HPSE2: variants seen among roughly 807,000 people sequenced by gnomAD.
The protein encoded by HPSE2 is inactive heparanase-2.
In HPSE2, 38 loss-of-function variants were observed where a neutral mutation model predicts 60.5. The ratio of observed to expected loss-of-function variants is 0.63; its 90% CI spans 0.48 to 0.82. HPSE2 has a LOEUF of 0.82. HPSE2 is among the 40% of genes least tolerant of loss of function. The pLI is 0.00. For synonymous variants in HPSE2, 295 were observed against 293.2 expected (o/e 1.01, Z -0.06); for missense variants, 713 against 740.4 (o/e 0.96, Z 0.43).
At chr10:99,267,130 A>C in the HPSE2 span, among the ~76,000 whole-genome samples, 18 of 152,120 alleles carry the variant, frequency 1.2e-4, no homozygotes, top group Non-Finnish European at 5.9e-5. Context: ...AGCTCACCTC[A>C]CCAGCAATGG....
At chr10:98,465,535 G>A (rs1191582041) in intron 11 of HPSE2, among the ~76,000 whole-genome samples, 1 of 152,140 alleles carries the variant, frequency 6.6e-6, no homozygotes, top group African/African-American at 2.4e-5. Flanking sequence ...TTTACTATGG[G>A]GACAAGGTTA....
chr10:98,854,337 AGAG>A (rs762417934), intron 3 of HPSE2, among the ~76,000 whole-genome samples: 3 of 152,320 alleles, frequency 2.0e-5, no homozygotes, highest in Non-Finnish European at 4.4e-5. Context: ...CTGGTCACAC[AGAG>A]AAGACTGAAA....
chr10:99,061,153 G>A (rs1365473770), intron 3 of HPSE2, among the ~76,000 whole-genome samples: 6 of 152,146 alleles, frequency 3.9e-5, no homozygotes, highest in African/African-American at 1.4e-4. Flanking sequence ...CTGTGGACTA[G>A]GGTGGTGGTT....
At chr10:98,610,713 AAC>A (rs981278216) in intron 9 of HPSE2, among the ~76,000 whole-genome samples, 3 of 152,200 alleles carry the variant, frequency 2.0e-5, no homozygotes, top group Non-Finnish European at 4.4e-5. Flanking sequence ...TAGTCCCACA[AAC>A]ACATATCAGA....
intron 3 of HPSE2, among the ~76,000 whole-genome samples, chr10:98,823,664 T>C (rs1003392569): frequency 6.6e-6 from 1 of 152,070 alleles, no homozygotes; most frequent in Non-Finnish European, 1.5e-5. Context: ...TAGATAATGA[T>C]TTAAAGCATA....
Position 98,490,226 on chromosome 10 carries a change from C to T in HPSE2, c.1321-30G>A, listed in dbSNP as rs764282884. The T allele has an allele frequency of 3.1e-4, 501 of 1,609,584 alleles. 1 individual carries two copies. The highest frequency in any genetic ancestry group is 3.9e-4 in the Non-Finnish European group (457 of 1,177,960). The stretch of plus-strand genomic sequence containing the variant: ...GGAGAATAGAGAGGGAGAGGGTCAG[C>T]GAGAGAACACATGCTCAGGTGTTCT... On this transcript the variant is annotated intron_variant, in intron 9 of 11. Transcript: ENST00000370552.
At chr10:98,688,515 G>T (rs1589641990) in intron 6 of HPSE2, among the ~76,000 whole-genome samples, 1 of 89,850 alleles carries the variant, frequency 1.1e-5, no homozygotes, top group Non-Finnish European at 2.1e-5. Context: ...TTGCTCTGTT[G>T]CCCAGGCTGG....
Position 98,897,240 on chromosome 10 carries a change from C to T in HPSE2, c.611-153184G>A, listed in dbSNP as rs115652632. On this transcript the variant is annotated intron_variant, in intron 3 of 11. Transcript: ENST00000370552. ...ACTATTTATTGAGTACAGTGTACACCGCTTGGGTGATAGGTGCACCAAAAT... is the reference window on the plus strand; with the variant it reads ...ACTATTTATTGAGTACAGTGTACACTGCTTGGGTGATAGGTGCACCAAAAT... Among the ~76,000 whole-genome samples, 879 of 152,082 alleles carry T rather than the reference C, an allele frequency of 5.8e-3. 8 individuals carry two copies. The highest frequency in any genetic ancestry group is 0.018 in the African/African-American group (735 of 41,490).
At chr10:99,257,097 C>A in the HPSE2 span, among the ~76,000 whole-genome samples, 1 of 152,314 alleles carries the variant, frequency 6.6e-6, no homozygotes, top group East Asian at 1.9e-4. Flanking sequence ...TGATTTCCTA[C>A]GCCTGTCTTT....
intron 3 of HPSE2, among the ~76,000 whole-genome samples, chr10:98,810,723 TA>T (rs1951150354): frequency 6.6e-6 from 1 of 151,406 alleles, no homozygotes; most frequent in African/African-American, 2.4e-5. Context: ...GGGCCACACA[TA>T]AAATATGCTA....
intron 2 of HPSE2, among the ~76,000 whole-genome samples, chr10:99,209,572 G>A (rs1028511329): frequency 6.6e-6 from 1 of 151,598 alleles, no homozygotes; most frequent in African/African-American, 2.4e-5. Flanking sequence ...GAAGGAACTA[G>A]AAAAAAAGAA....
intron 7 of HPSE2, among the ~76,000 whole-genome samples, chr10:98,624,526 T>C (rs1946155943): frequency 6.6e-6 from 1 of 152,162 alleles, no homozygotes; most frequent in Non-Finnish European, 1.5e-5. Context: ...GGAAAGCTAT[T>C]GGAGGGATTT....
chr10:98,891,725 A>C (rs986800611), intron 3 of HPSE2, among the ~76,000 whole-genome samples: 2 of 152,028 alleles, frequency 1.3e-5, no homozygotes, highest in Non-Finnish European at 2.9e-5. Context: ...CAAAGCATTG[A>C]GATTACAGGC....
At chr10:98,515,694 G>C (rs1377303804) in intron 9 of HPSE2, among the ~76,000 whole-genome samples, 1 of 151,944 alleles carries the variant, frequency 6.6e-6, no homozygotes, top group Non-Finnish European at 1.5e-5. Flanking sequence ...TAAACTTTCA[G>C]GAATGAACAT....
chr10:99,288,529 T>C, the HPSE2 span, among the ~76,000 whole-genome samples: 12 of 151,762 alleles, frequency 7.9e-5, no homozygotes, highest in Admixed American at 2.0e-4. Context: ...ATATAACTGA[T>C]GAAAAGTTTA....
chr10:98,828,377 GTGGTAGAGCC>G (rs1235829689), intron 3 of HPSE2, among the ~76,000 whole-genome samples: 20 of 152,346 alleles, frequency 1.3e-4, no homozygotes, highest in African/African-American at 4.8e-4. Flanking sequence ...GGCTAAGTAA[GTGGTAGAGCC>G]TGGCTAGAAC....
chr10:98,730,937 C>G (rs896622202), intron 4 of HPSE2, among the ~76,000 whole-genome samples: 1 of 152,128 alleles, frequency 6.6e-6, no homozygotes, highest in Non-Finnish European at 1.5e-5. Context: ...AGAGGGAACA[C>G]TTTTCAACTT....
At position 99,132,232 on chromosome 10, in the gene HPSE2, AG is replaced by A. The variant is rs1564833233; in HGVS notation, c.610+12005del. 1.7e-3 allele frequency among the ~76,000 whole-genome samples: 90 copies of A among 53,064 alleles called. 1 individual carries two copies. Among genetic ancestry groups the A allele is most frequent in the South Asian group, 2.8e-3 (3 of 1,068 alleles). 34.8% of individuals were successfully genotyped at this position (53,064 alleles called of 152,430 possible). A position where few individuals can be genotyped will look rare whatever the true frequency, so the allele number is the denominator to read the frequency against. ...GAGAGAGAGAGAGAGAGAGAGAGAGAGAGAGAGAGAGAAAGAAAGAAAGAAA... is the reference window on the plus strand; with the variant it reads ...GAGAGAGAGAGAGAGAGAGAGAGAGAAGAGAGAGAGAAAGAAAGAAAGAAA... On this transcript the variant is annotated intron_variant, in intron 3 of 11. Coordinates refer to ENST00000370552, the MANE Select transcript of HPSE2 (RefSeq NM_021828.5).
At chr10:98,899,847 G>A (rs543653149) in intron 3 of HPSE2, among the ~76,000 whole-genome samples, 1 of 148,544 alleles carries the variant, frequency 6.7e-6, no homozygotes, top group Non-Finnish European at 1.5e-5. Flanking sequence ...GCAGTGGCGC[G>A]ATCTTGGCTC....
Sources: gnomAD v4.1 joint callset for allele counts (sites outside exome capture counted in the v4.1 genomes callset) on GRCh38, gnomAD v4.1.1 for gene constraint, MANE v1.5 for transcripts, NCBI Gene and HGNC (gene_info 2026-07-23, HGNC 2026-07-21) for gene names.